The following CALCR variants were observed in gnomAD, a reference collection of about 807,000 sequenced individuals.
The protein encoded by CALCR is calcitonin receptor.
In CALCR, 47 loss-of-function variants were observed where a neutral mutation model predicts 59.5. The observed-to-expected ratio is 0.79, with a 90% confidence interval of 0.63 to 1.01. The LOEUF (loss-of-function observed/expected upper bound fraction) is 1.01. Among genes scored for constraint, CALCR ranks in the 50% least tolerant of loss-of-function variants. The probability of loss-of-function intolerance (pLI) is 0.00; values close to 1 mark genes in which losing one functional copy is unlikely to be tolerated. For synonymous variants in CALCR, 213 were observed against 211.3 expected, an observed-to-expected ratio of 1.01 and a Z score of -0.07; for missense variants, 566 against 597.1, an observed-to-expected ratio of 0.95 and a Z score of 0.54.
At chr7:93,521,344 T>C (rs1801760023) in intron 2 of CALCR, among the ~76,000 whole-genome samples, 1 of 152,226 alleles carries the variant, frequency 6.6e-6, no homozygotes, top group Admixed American at 6.5e-5. Context: ...CCACCTCTTC[T>C]ATGCATGAGA....
At chr7:93,445,975 G>T (rs1799999538) in intron 8 of CALCR, among the ~76,000 whole-genome samples, 1 of 152,026 alleles carries the variant, frequency 6.6e-6, no homozygotes, top group Non-Finnish European at 1.5e-5. Context: ...AAACAAGAAG[G>T]CACAGAGAGC....
chr7:93,560,125 CT>C (rs1789711208), intron 2 of CALCR, among the ~76,000 whole-genome samples: 1 of 152,034 alleles, frequency 6.6e-6, no homozygotes, highest in South Asian at 2.1e-4. Context: ...GGAAAAGAAA[CT>C]GTTTTTCCTT....
chr7:93,544,146 C>T (rs1369100126), intron 2 of CALCR, among the ~76,000 whole-genome samples: 1 of 151,784 alleles, frequency 6.6e-6, no homozygotes. Flanking sequence ...TTAAAAAAAA[C>T]TATATCCTGC....
At chr7:93,518,732 A>G (rs1169509132) in intron 2 of CALCR, among the ~76,000 whole-genome samples, 2 of 152,104 alleles carry the variant, frequency 1.3e-5, no homozygotes, top group African/African-American at 4.8e-5. Flanking sequence ...ATATTATGTA[A>G]CTATTAAAAA....
In CALCR at chr7:93,496,009, T is replaced by C. The variant is rs759994804; in HGVS notation, c.-26-9002A>G. 6.4e-4 allele frequency: 738 copies of C among 1,155,992 alleles called. 1 individual carries two copies. Among genetic ancestry groups the C allele is most frequent in the Non-Finnish European group, 8.2e-4 (675 of 818,556 alleles). 71.6% of individuals were successfully genotyped at this position (1,155,992 alleles called of 1,614,324 possible). ...AATAAAATGAAAATCAGTAAATCAA[T>C]GATAATGATTGAACAGAATGTCTTC... On this transcript the variant is annotated intron_variant, in intron 2 of 13. Transcript: ENST00000426151.
chr7:93,557,001 T>A (rs903038943), intron 2 of CALCR, among the ~76,000 whole-genome samples: 5 of 152,106 alleles, frequency 3.3e-5, no homozygotes, highest in Admixed American at 3.3e-4. Flanking sequence ...TGATTATTAG[T>A]GAGGCTAAAT....
chr7:93,488,588 A>C (rs1483771232), intron 2 of CALCR, among the ~76,000 whole-genome samples: 1 of 147,972 alleles, frequency 6.8e-6, no homozygotes, highest in African/African-American at 2.5e-5. Context: ...GAAAGAAAAA[A>C]AAAAAAAAAA....
At chr7:93,454,948 G>A (rs1207184467) in intron 8 of CALCR, among the ~76,000 whole-genome samples, 1 of 151,696 alleles carries the variant, frequency 6.6e-6, no homozygotes. Flanking sequence ...GTGTGTGTGT[G>A]TGTGTGTGTT....
chr7:93,438,004 G>T, intron 11 of CALCR, 56 bp downstream of exon 11: 3 of 1,323,020 alleles, frequency 2.3e-6, no homozygotes, highest in Non-Finnish European at 3.2e-6. Context: ...TATATACACA[G>T]AAATCTCAAC....
intron 2 of CALCR, among the ~76,000 whole-genome samples, chr7:93,570,462 A>C (rs1203713248): frequency 1.3e-5 from 2 of 152,182 alleles, no homozygotes; most frequent in East Asian, 3.8e-4. Flanking sequence ...GAAAGACATA[A>C]ATTTTACTGA....
At chr7:93,432,511 C>G (rs1429879364) in intron 13 of CALCR, among the ~76,000 whole-genome samples, 7 of 152,130 alleles carry the variant, frequency 4.6e-5, no homozygotes, top group African/African-American at 1.4e-4. Context: ...TTTTACCTTC[C>G]CCCAGTAACG....
chr7:93,481,278 T>C (rs1800790135), intron 3 of CALCR, among the ~76,000 whole-genome samples: 1 of 151,792 alleles, frequency 6.6e-6, no homozygotes, highest in Non-Finnish European at 1.5e-5. Flanking sequence ...GGAGAATTTT[T>C]AGTAAAATTC....
At chr7:93,569,879 G>A (rs1238731955) in intron 2 of CALCR, among the ~76,000 whole-genome samples, 1 of 151,536 alleles carries the variant, frequency 6.6e-6, no homozygotes, top group Non-Finnish European at 1.5e-5. Context: ...TAGGGTTGCA[G>A]CGAGACATGA....
chr7:93,557,607 T>C (rs567579619), intron 2 of CALCR, among the ~76,000 whole-genome samples: 1 of 151,992 alleles, frequency 6.6e-6, no homozygotes, highest in East Asian at 1.9e-4. Flanking sequence ...TATTTAGATA[T>C]AGTCAAGTCT....
chr7:93,527,075 C>G (rs1788674959), intron 2 of CALCR, among the ~76,000 whole-genome samples: 1 of 151,548 alleles, frequency 6.6e-6, no homozygotes, highest in Non-Finnish European at 1.5e-5. Flanking sequence ...ATGTATTTTT[C>G]TTTATAAGGT....
chr7:93,534,879 A>T (rs1788946225), intron 2 of CALCR, among the ~76,000 whole-genome samples: 1 of 151,738 alleles, frequency 6.6e-6, no homozygotes, highest in South Asian at 2.1e-4. Context: ...AATACAAAAG[A>T]CAACATTTAT....
intron 2 of CALCR, among the ~76,000 whole-genome samples, chr7:93,492,237 G>T (rs935570323): frequency 6.6e-6 from 1 of 151,348 alleles, no homozygotes; most frequent in Admixed American, 6.6e-5. Flanking sequence ...ACACACCAAG[G>T]CCTGTTGGTG....
At chr7:93,500,807 C>G (rs1295424125) in intron 2 of CALCR, among the ~76,000 whole-genome samples, 1 of 151,964 alleles carries the variant, frequency 6.6e-6, no homozygotes, top group African/African-American at 2.4e-5. Flanking sequence ...GGATTTCATA[C>G]AAAGATATTT....
intron 2 of CALCR, among the ~76,000 whole-genome samples, chr7:93,489,340 T>C (rs1801021641): frequency 6.6e-6 from 1 of 151,390 alleles, no homozygotes. Context: ...CACCCTAATA[T>C]CACAATTAAA....
Sources: gnomAD v4.1 joint callset for allele counts (sites outside exome capture counted in the v4.1 genomes callset) on GRCh38, gnomAD v4.1.1 for gene constraint, MANE v1.5 for transcripts, NCBI Gene and HGNC (gene_info 2026-07-23, HGNC 2026-07-21) for gene names.